The following LIPM variants were observed in gnomAD, a reference collection of about 807,000 sequenced individuals.
LIPM encodes the protein lipase family member M.
LIPM carries 42 observed loss-of-function variants against 42.4 expected under a neutral mutation model. That is an observed-to-expected ratio of 0.99 (90% confidence interval 0.77 to 1.28). The LOEUF (loss-of-function observed/expected upper bound fraction) is 1.28, where lower values mean the gene tolerates loss of function less well. Among genes scored for constraint, LIPM ranks in the 50% most tolerant of loss-of-function variants. The pLI is 0.00. For missense variants in LIPM, 524 were observed against 520.1 expected, an observed-to-expected ratio of 1.01 and a Z score of -0.07; for synonymous variants, 177 against 173.3, an observed-to-expected ratio of 1.02 and a Z score of -0.17.
chr10:88,813,186 A>T lies in LIPM; in HGVS notation c.355A>T (p.Ile119Phe). 6.2e-7 allele frequency: 1 copy of T among 1,613,756 alleles called. No homozygotes were observed. The highest frequency in any genetic ancestry group is 8.5e-7 in the Non-Finnish European group (1 of 1,179,816). The stretch of plus-strand genomic sequence containing the variant: ...CCTGCCCAACAATAGCCTGGGCTTC[A>T]TTCTGGCAGATGCTGGTTTTGACGT... ...SNLPNNSLGF[I>F]LADAGFDVWM... The change falls in exon 3 of 9, where the codon ATT becomes TTT. Residue 119 changes from isoleucine (I) to phenylalanine (F), a missense_variant. Coordinates refer to ENST00000404743, the MANE Select transcript of LIPM (RefSeq NM_001128215.1).
intron 4 of LIPM, 68 bp downstream of exon 4, chr10:88,814,707 G>T: frequency 8.3e-7 from 1 of 1,201,260 alleles, no homozygotes; most frequent in Non-Finnish European, 1.2e-6. Context: ...AGCTATCCCT[G>T]AAATCTGTCA....
At position 88,808,425 on chromosome 10, in the gene LIPM, AC is replaced by A. The variant is rs1473049977; in HGVS notation, c.265+14del. On this transcript the variant is annotated intron_variant, in intron 2 of 8. Coordinates refer to ENST00000404743, the MANE Select transcript of LIPM (RefSeq NM_001128215.1). ...CAACCTAAGAAGACAGGTGTGGGTC[AC>A]CCCATGTCACCGCAACACAGCAGTC... The A allele has an allele frequency of 4.9e-6, 7 of 1,437,686 alleles. No homozygotes were observed. The highest frequency in any genetic ancestry group is 6.7e-6 in the Non-Finnish European group (7 of 1,043,424). 89.1% of individuals were successfully genotyped at this position (1,437,686 alleles called of 1,614,324 possible). A position where few individuals can be genotyped will look rare whatever the true frequency, so the allele number is the denominator to read the frequency against.
intron 8 of LIPM, among the ~76,000 whole-genome samples, chr10:88,818,868 G>A (rs1843750614): frequency 6.6e-6 from 1 of 152,014 alleles, no homozygotes; most frequent in Non-Finnish European, 1.5e-5. Flanking sequence ...AAGTATTTCT[G>A]TTCAAAGATG....
At chr10:88,819,903 T>A (rs1843766163) in intron 8 of LIPM, among the ~76,000 whole-genome samples, 1 of 152,200 alleles carries the variant, frequency 6.6e-6, no homozygotes, top group South Asian at 2.1e-4. Context: ...GCATTATTTT[T>A]AAAAACAATT....
chr10:88,817,479 C>T (rs1005562954), intron 7 of LIPM, among the ~76,000 whole-genome samples: 1 of 152,192 alleles, frequency 6.6e-6, no homozygotes, highest in African/African-American at 2.4e-5. Context: ...ATTTTGGTTG[C>T]TATCTTCCAG....
chr10:88,815,945 C>T (rs1843714269), intron 6 of LIPM, among the ~76,000 whole-genome samples: 1 of 152,094 alleles, frequency 6.6e-6, no homozygotes, highest in African/African-American at 2.4e-5. Flanking sequence ...AGGAAGCATA[C>T]TCTGAGATGG....
At chr10:88,812,367 G>A (rs985185970) in intron 2 of LIPM, among the ~76,000 whole-genome samples, 3 of 152,054 alleles carry the variant, frequency 2.0e-5, no homozygotes, top group African/African-American at 7.2e-5. Context: ...GATAATTTCA[G>A]GATATGTAGT....
rs776152149 is a variant in LIPM at position 88,813,152 on chromosome 10, G to T, written c.321G>T (p.Trp107Cys). 2.5e-6 allele frequency: 4 copies of T among 1,611,996 alleles called. No individual in the cohort carries two copies. Among genetic ancestry groups the T allele is most frequent in the South Asian group, 2.2e-5 (2 of 90,836 alleles). ...QHGLVGGASN[W>C]ISNLPNNSLG... ...GCCTAGTTGGAGGTGCTAGCAACTGGATTTCCAACCTGCCCAACAATAGCC... is the reference window on the plus strand; with the variant it reads ...GCCTAGTTGGAGGTGCTAGCAACTGTATTTCCAACCTGCCCAACAATAGCC... The change falls in exon 3 of 9, where the codon TGG (tryptophan) becomes TGT (cysteine). Residue 107 changes from tryptophan to cysteine, a missense_variant. Physicochemically the swap from Trp to Cys is radical, Grantham distance 215 (BLOSUM62 -2). Transcript: ENST00000404743.
In LIPM at chr10:88,817,893, TC is replaced by T; in HGVS notation, c.1000del (p.Gln334SerfsTer5). On this transcript the variant is annotated frameshift_variant and splice_region_variant, in exon 8 of 9. Coordinates refer to ENST00000404743, the MANE Select transcript of LIPM (RefSeq NM_001128215.1). LOFTEE classifies it low-confidence loss of function (END_TRUNC). Reference sequence around the variant, plus strand: ...AGACCAAAAATCTGGAAAAATGCAATCAGGTAAGAAAATCAAATACCATCTG... The same window carrying T: ...AGACCAAAAATCTGGAAAAATGCAATAGGTAAGAAAATCAAATACCATCTG... ...SETKNLEKCN[Q>X]PTPVRYRVRD... The T allele has an allele frequency of 1.3e-6, 2 of 1,550,532 alleles. No individual in the cohort carries two copies. The highest frequency in any genetic ancestry group is 1.7e-6 in the Non-Finnish European group (2 of 1,146,034).
intron 2 of LIPM, among the ~76,000 whole-genome samples, chr10:88,808,916 ATTTTATTTTATTTTATTTTATTTT>A (rs1413614561): frequency 1.1e-4 from 1 of 9,412 alleles, no homozygotes; most frequent in African/African-American, 2.5e-4. Flanking sequence ...CATACATTTT[ATTTTATTTTATTTTATTTTATTTT>A]ATTTTATTTT....
In LIPM at chr10:88,814,590, G is replaced by C; in HGVS notation, c.525G>C (p.Thr175=). Residue 175 remains threonine, a synonymous_variant, in exon 4 of 9, where the codon ACG becomes ACC. Coordinates refer to ENST00000404743, the MANE Select transcript of LIPM (RefSeq NM_001128215.1). ...TGATAAACTTTATTTTGCAGAAAAC[G>C]GGCCAGGAAAAGATCTATTATGTCG... ...PAVINFILQK[T]GQEKIYYVGY... 1.3e-6 allele frequency: 2 copies of C among 1,551,808 alleles called. No individual in the cohort carries two copies. The highest frequency in any genetic ancestry group is 8.7e-7 in the Non-Finnish European group (1 of 1,146,940).
chr10:88,803,178 T>C (rs1843548428), intron 1 of LIPM, 135 bp downstream of exon 1: 2 of 996,892 alleles, frequency 2.0e-6, no homozygotes, highest in Non-Finnish European at 2.9e-6. Flanking sequence ...TAGCAAATTG[T>C]ACTGGAAAGA....
At chr10:88,820,032 A>G (rs1843767649) in intron 8 of LIPM, among the ~76,000 whole-genome samples, 200 bp from the exon 9 acceptor site, 1 of 152,204 alleles carries the variant, frequency 6.6e-6, no homozygotes, top group Non-Finnish European at 1.5e-5. Context: ...CAGAAGAAGA[A>G]ACTGAGGTTC....
chr10:88,818,018 GGT>G, intron 8 of LIPM, 122 bp downstream of exon 8: 1 of 783,094 alleles, frequency 1.3e-6, no homozygotes, highest in East Asian at 2.9e-5. Flanking sequence ...AGAAAATAAT[GGT>G]TCATGTTTGA....
At chr10:88,814,414 T>C in intron 3 of LIPM, 116 bp from the exon 4 acceptor site, 1 of 668,796 alleles carries the variant, frequency 1.5e-6, no homozygotes, top group African/African-American at 1.8e-5. Flanking sequence ...AGGGACACGG[T>C]AACAAGCTGT....
In LIPM at chr10:88,820,267, G is replaced by C; in HGVS notation, c.1038G>C (p.Thr346=). The change falls in exon 9 of 9, where the codon ACG becomes ACC. Residue 346 remains threonine, a synonymous_variant. Transcript: ENST00000404743. ...TPVRYRVRDM[T]VPTAMWTGGQ... ...TAAGGTACAGAGTCAGAGATATGACGGTCCCTACAGCAATGTGGACAGGAG... is the reference window on the plus strand; with the variant it reads ...TAAGGTACAGAGTCAGAGATATGACCGTCCCTACAGCAATGTGGACAGGAG... 1.9e-6 allele frequency: 3 copies of C among 1,551,666 alleles called. No individual in the cohort carries two copies. Among genetic ancestry groups the C allele is most frequent in the South Asian group, 2.4e-5 (2 of 84,052 alleles).
chr10:88,813,002 A>G (rs1843672029), intron 2 of LIPM, 95 bp from the exon 3 acceptor site: 1 of 1,077,432 alleles, frequency 9.3e-7, no homozygotes, highest in African/African-American at 1.6e-5. Flanking sequence ...CAAGATCTGA[A>G]CACAGGTTTG....
chr10:88,803,372 A>T (rs990267528), intron 1 of LIPM, among the ~76,000 whole-genome samples: 1 of 152,116 alleles, frequency 6.6e-6, no homozygotes, highest in African/African-American at 2.4e-5. Flanking sequence ...GATTATTTCC[A>T]TTTTGTCTGT....
intron 7 of LIPM, among the ~76,000 whole-genome samples, chr10:88,817,588 C>T (rs1448780559): frequency 6.6e-6 from 1 of 152,198 alleles, no homozygotes; most frequent in Non-Finnish European, 1.5e-5. Flanking sequence ...AGATGCACTT[C>T]CTGGAGTTGC....
Sources: gnomAD v4.1 joint callset for allele counts (sites outside exome capture counted in the v4.1 genomes callset) on GRCh38, gnomAD v4.1.1 for gene constraint, MANE v1.5 for transcripts, NCBI Gene and HGNC (gene_info 2026-07-23, HGNC 2026-07-21) for gene names.